The following WWOX variants were observed in gnomAD, a reference collection of about 807,000 sequenced individuals.
WWOX encodes the protein WW domain containing oxidoreductase.
WWOX carries 69 observed loss-of-function variants against 46.2 expected under a neutral mutation model. That is an observed-to-expected ratio of 1.49 (90% confidence interval 1.23 to 1.82). WWOX has a LOEUF of 1.82. Ranked by LOEUF, WWOX falls within the 40% of genes most tolerant of loss-of-function variation. The pLI, the probability that WWOX is intolerant of heterozygous loss-of-function variation, is 0.00. For missense variants in WWOX, 919 were observed against 542.6 expected (o/e 1.69, Z -6.89); for synonymous variants, 359 against 202.6 (o/e 1.77, Z -6.56).
chr16:78,212,905 T>A (rs116989454), intron 5 of WWOX, among the ~76,000 whole-genome samples: 25 of 152,034 alleles, frequency 1.6e-4, no homozygotes, highest in Non-Finnish European at 5.9e-5. Flanking sequence ...CATGGTGAAT[T>A]CATTTCCCAT....
Position 78,494,054 on chromosome 16 carries a change from CCT to C in WWOX, c.1056+61306_1056+61307del, listed in dbSNP as rs552872399. 2.9e-3 allele frequency among the ~76,000 whole-genome samples: 435 copies of C among 152,200 alleles called. 3 individuals carry two copies. Among genetic ancestry groups the C allele is most frequent in the African/African-American group, 0.01 (424 of 41,522 alleles). ...GTTCTGCAGACTGTATAGGCTTCTG[CCT>C]CTCGGGAGGCCTCAGGAAACTTACA... is the stretch of plus-strand genomic sequence containing the variant. On this transcript the variant is annotated intron_variant, in intron 8 of 8. Coordinates refer to ENST00000566780, the MANE Select transcript of WWOX (RefSeq NM_016373.4).
intron 8 of WWOX, among the ~76,000 whole-genome samples, chr16:79,197,772 A>G (rs1402382125): frequency 6.6e-6 from 1 of 152,136 alleles, no homozygotes; most frequent in East Asian, 1.9e-4. Flanking sequence ...GACAAAGGGC[A>G]AGGTTCATCC....
intron 8 of WWOX, among the ~76,000 whole-genome samples, chr16:78,545,003 C>G (rs11641880): frequency 0.13 from 20,496 of 152,074 alleles, 1,722 homozygotes; most frequent in South Asian, 0.26. Flanking sequence ...TAGTGAGACA[C>G]CAGCTTTACA....
Position 78,657,863 on chromosome 16 carries a change from G to A in WWOX, c.1056+225111G>A, listed in dbSNP as rs185206844. On this transcript the variant is annotated intron_variant, in intron 8 of 8. Coordinates refer to ENST00000566780, the MANE Select transcript of WWOX (RefSeq NM_016373.4). ...TTTTTTGTTTTTTTGTTTTTCGGGG[G>A]CTGGAGTAGTGTGCAGAGCCTGGCG... Among the ~76,000 whole-genome samples the A allele has an allele frequency of 2.6e-4, 40 of 152,080 alleles. 1 individual carries two copies. In the East Asian group the frequency reaches 6.4e-3, roughly 24 times the overall value.
At chr16:78,450,768 T>C (rs2083672312) in intron 8 of WWOX, among the ~76,000 whole-genome samples, 1 of 152,214 alleles carries the variant, frequency 6.6e-6, no homozygotes, top group South Asian at 2.1e-4. Context: ...AAAGAGCAAG[T>C]AATGAAATTA....
intron 8 of WWOX, among the ~76,000 whole-genome samples, chr16:78,744,036 G>T (rs1219332031): frequency 6.6e-6 from 1 of 152,000 alleles, no homozygotes. Flanking sequence ...TATTCAAAAC[G>T]CCAAGAACCT....
intron 8 of WWOX, among the ~76,000 whole-genome samples, chr16:78,586,534 A>G (rs1195691490): frequency 6.6e-6 from 1 of 152,198 alleles, no homozygotes; most frequent in Non-Finnish European, 1.5e-5. Context: ...GAATTCTCCA[A>G]CAACCTTGCA....
At chr16:78,791,763 G>A (rs936536804) in intron 8 of WWOX, among the ~76,000 whole-genome samples, 5 of 152,086 alleles carry the variant, frequency 3.3e-5, no homozygotes, top group Non-Finnish European at 7.4e-5. Context: ...GCCTATAATT[G>A]CAGCTACTTG....
At chr16:78,224,688 A>T (rs560008609) in intron 5 of WWOX, among the ~76,000 whole-genome samples, 2 of 152,346 alleles carry the variant, frequency 1.3e-5, no homozygotes, top group South Asian at 4.1e-4. Flanking sequence ...GCTGGTTCCA[A>T]GAATAAGATA....
intron 8 of WWOX, among the ~76,000 whole-genome samples, chr16:78,993,724 G>T (rs1302963253): frequency 1.3e-5 from 2 of 152,202 alleles, no homozygotes; most frequent in African/African-American, 4.8e-5. Flanking sequence ...CCAGCAATCT[G>T]CCTGGTGCTA....
At chr16:79,023,424 C>G (rs140178002) in intron 8 of WWOX, among the ~76,000 whole-genome samples, 2 of 152,220 alleles carry the variant, frequency 1.3e-5, no homozygotes, top group East Asian at 1.9e-4. Context: ...GTTGTGAGGA[C>G]AAAAGGATGG....
chr16:78,630,471 C>T (rs2046401735), intron 8 of WWOX, among the ~76,000 whole-genome samples: 1 of 152,172 alleles, frequency 6.6e-6, no homozygotes, highest in Non-Finnish European at 1.5e-5. Context: ...CCTACGTGGC[C>T]AACTTCCAAT....
chr16:78,365,624 T>A (rs2081519284), intron 5 of WWOX, among the ~76,000 whole-genome samples: 1 of 152,254 alleles, frequency 6.6e-6, no homozygotes, highest in Non-Finnish European at 1.5e-5. Flanking sequence ...GAAGTGGCTC[T>A]ATAGACTGCC....
intron 5 of WWOX, among the ~76,000 whole-genome samples, chr16:78,326,441 CGTT>C (rs1239870278): frequency 6.6e-6 from 1 of 151,930 alleles, no homozygotes. Context: ...AGGGGTTGAA[CGTT>C]GTTATCGCGC....
intron 8 of WWOX, among the ~76,000 whole-genome samples, chr16:78,490,769 C>A (rs2151461043): frequency 6.6e-6 from 1 of 152,296 alleles, no homozygotes. Flanking sequence ...TACCAAGCAC[C>A]CCTTACCCAG....
chr16:78,480,828 T>C (rs896556395), intron 8 of WWOX, among the ~76,000 whole-genome samples: 1 of 152,332 alleles, frequency 6.6e-6, no homozygotes, highest in East Asian at 1.9e-4. Flanking sequence ...CATGTGTGCT[T>C]AGTTGGATGG....
chr16:78,396,514 G>T (rs1179304692), intron 6 of WWOX, among the ~76,000 whole-genome samples: 3 of 152,122 alleles, frequency 2.0e-5, no homozygotes, highest in African/African-American at 7.2e-5. Flanking sequence ...TCCATAGAGA[G>T]TAAAAACCAC....
At chr16:78,551,487 T>C (rs1475094605) in intron 8 of WWOX, 1 of 152,230 alleles carries the variant, frequency 6.6e-6, no homozygotes, top group Non-Finnish European at 1.5e-5. Flanking sequence ...GTTGGAATGT[T>C]GCAGGGAGGC....
intron 8 of WWOX, among the ~76,000 whole-genome samples, chr16:78,433,352 T>A (rs1035335036): frequency 1.3e-5 from 2 of 152,226 alleles, no homozygotes; most frequent in East Asian, 3.9e-4. Flanking sequence ...GGTGATAAGA[T>A]GTTTTTATAG....
Sources: allele counts gnomAD v4.1 joint callset (sites outside exome capture counted in the v4.1 genomes callset), GRCh38; gene constraint gnomAD v4.1.1; transcripts MANE v1.5; gene names NCBI Gene and HGNC (gene_info 2026-07-23, HGNC 2026-07-21).